The following XPOT variants were observed in gnomAD, a reference collection of about 807,000 sequenced individuals.
XPOT encodes the protein exportin-T.
In XPOT, 34 loss-of-function variants were observed where a neutral mutation model predicts 128.2. The ratio of observed to expected loss-of-function variants is 0.27; its 90% CI spans 0.20 to 0.35. XPOT has a LOEUF of 0.35. Among genes scored for constraint, XPOT ranks in the 10% least tolerant of loss-of-function variants. XPOT has a pLI of 1.00. For synonymous variants in XPOT, 348 were observed against 394.3 expected, an observed-to-expected ratio of 0.88 and a Z score of 1.39; for missense variants, 838 against 1,125.3, an observed-to-expected ratio of 0.74 and a Z score of 3.65.
At chr12:64,423,088 T>C in intron 10 of XPOT, 45 bp downstream of exon 10, 1 of 1,606,572 alleles carries the variant, frequency 6.2e-7, no homozygotes, top group African/African-American at 1.3e-5. Flanking sequence ...AGATTTTTAG[T>C]CTGTAATTTG....
chr12:64,420,396 C>T lies in XPOT; in HGVS notation c.718C>T (p.Arg240Trp), dbSNP rs1263885245. ...LLGHMSIEVL[R>W]EEACDCLFEV... ...AGGTCATATGTCAATAGAAGTTCTA[C>T]GGGAAGAAGCATGTGACTGTTTATT... is the stretch of plus-strand genomic sequence containing the variant. The change falls in exon 8 of 25, where the codon CGG becomes TGG. Residue 240 changes from arginine to tryptophan, a missense_variant. Arg to Trp is a moderately radical substitution (Grantham distance 101, BLOSUM62 -3). Transcript: ENST00000332707. The T allele has an allele frequency of 1.2e-6, 2 of 1,613,506 alleles. No individual in the cohort carries two copies. The highest frequency in any genetic ancestry group is 1.7e-6 in the Non-Finnish European group (2 of 1,179,824).
intron 11 of XPOT, 39 bp from the exon 12 acceptor site, chr12:64,424,560 C>T (rs745928034): frequency 2.5e-6 from 4 of 1,608,176 alleles, no homozygotes; most frequent in African/African-American, 2.7e-5. Context: ...CCGATCAACC[C>T]ATAAGTTTTT....
chr12:64,414,432 G>A (rs2040068364), intron 2 of XPOT, among the ~76,000 whole-genome samples: 2 of 152,158 alleles, frequency 1.3e-5, no homozygotes, highest in South Asian at 2.1e-4. Context: ...CTGTGTAACA[G>A]TAGATCAGAT....
At chr12:64,447,358 C>G (rs1384946899) in intron 24 of XPOT, among the ~76,000 whole-genome samples, 1 of 152,246 alleles carries the variant, frequency 6.6e-6, no homozygotes, top group Non-Finnish European at 1.5e-5. Flanking sequence ...CAGCCTCTAG[C>G]CAACTCCTTT....
At position 64,439,274 on chromosome 12, in the gene XPOT, G is replaced by A. The variant is rs1185645179; in HGVS notation, c.2764G>A (p.Glu922Lys). The A allele has an allele frequency of 6.2e-7, 1 of 1,614,052 alleles. No individual in the cohort carries two copies. The highest frequency in any genetic ancestry group is 1.1e-5 in the South Asian group (1 of 91,082). Residue 922 changes from glutamate (E) to lysine (K), a missense_variant, in exon 23 of 25, where the codon GAA becomes AAA. Glu to Lys is a moderately conservative substitution (Grantham distance 56). Around this residue, in one of 3 missense-constraint regions of XPOT, gnomAD observed 56 missense variants for 79.2 expected, o/e 0.71. Coordinates refer to ENST00000332707, the MANE Select transcript of XPOT (RefSeq NM_007235.6). ...GPECVQYLQQ[E>K]YLPSLQVAPE... ...AGAATGTGTTCAGTATCTTCAACAA[G>A]AATACCTGCCCTCCTTGCAAGTAGC... is the stretch of plus-strand genomic sequence containing the variant.
intron 24 of XPOT, 75 bp from the exon 25 acceptor site, chr12:64,448,030 T>A (rs2040379508): frequency 7.5e-7 from 1 of 1,331,406 alleles, no homozygotes; most frequent in Non-Finnish European, 1.1e-6. Flanking sequence ...AGCACTCAGA[T>A]ACTTGGAGCC....
rs771553024 is a variant in XPOT at position 64,430,115 on chromosome 12, C to T, written c.1804C>T (p.Leu602=). The T allele has an allele frequency of 1.2e-6, 2 of 1,613,558 alleles. No homozygotes were observed. The highest frequency in any genetic ancestry group is 2.2e-5 in the South Asian group (2 of 91,014). The change falls in exon 17 of 25, where the codon CTG becomes TTG. Residue 602 remains leucine (L), a synonymous_variant. Coordinates refer to ENST00000332707, the MANE Select transcript of XPOT (RefSeq NM_007235.6). ...QLFIYETAGV[L]IVNSEYPAER... ...TTTTATTTATGAGACAGCTGGAGTG[C>T]TGATTGTTAATAGTGAATATCCGGC...
intron 2 of XPOT, among the ~76,000 whole-genome samples, chr12:64,412,919 G>C (rs1318139121): frequency 2.0e-5 from 3 of 152,182 alleles, no homozygotes; most frequent in Non-Finnish European, 4.4e-5. Flanking sequence ...GCAAAGTATA[G>C]GGGAAGGGGC....
At chr12:64,429,694 G>A (rs1309121350) in intron 16 of XPOT, among the ~76,000 whole-genome samples, 1 of 152,140 alleles carries the variant, frequency 6.6e-6, no homozygotes, top group Non-Finnish European at 1.5e-5. Flanking sequence ...GCCGGCCTCG[G>A]CCTCCCAAAG....
rs1406115766 is a variant in XPOT at position 64,420,390 on chromosome 12, G to A, written c.712G>A (p.Val238Ile). 5.0e-6 allele frequency: 8 copies of A among 1,613,678 alleles called. No homozygotes were observed. The highest frequency in any genetic ancestry group is 5.1e-6 in the Non-Finnish European group (6 of 1,179,892). ...GCTGCTAGGTCATATGTCAATAGAA[G>A]TTCTACGGGAAGAAGCATGTGACTG... ...NMLLGHMSIE[V>I]LREEACDCLF... is the part of the protein sequence containing the mutation. Residue 238 changes from valine (V) to isoleucine (I), a missense_variant, in exon 8 of 25, where the codon GTT (valine) becomes ATT (isoleucine). By Grantham distance (29) the Val-to-Ile change is conservative (BLOSUM62 3). Around this residue, in one of 3 missense-constraint regions of XPOT, gnomAD observed 761 missense variants for 988.3 expected, o/e 0.77. Coordinates refer to ENST00000332707, the MANE Select transcript of XPOT (RefSeq NM_007235.6).
intron 1 of XPOT, 75 bp from the exon 2 acceptor site, chr12:64,409,887 C>G: frequency 1.6e-6 from 1 of 609,172 alleles, no homozygotes; most frequent in Non-Finnish European, 2.9e-6. Flanking sequence ...TGATTTTATC[C>G]ATTTACGTTA....
At position 64,425,093 on chromosome 12, in the gene XPOT, A is replaced by G. The variant is rs776232689; in HGVS notation, c.1363A>G (p.Met455Val). 7 of 1,613,660 alleles carry G rather than the reference A, an allele frequency of 4.3e-6. No homozygotes were observed. In the South Asian group the frequency reaches 7.7e-5, roughly 18 times the overall value. Residue 455 changes from methionine to valine, a missense_variant, in exon 13 of 25, where the codon ATG becomes GTG. Transcript: ENST00000332707. ...TGAAGTAGCAATAAGATTGCTGTAT[A>G]TGTTGGCAGAAGCTCTTCCAGTATC... Reference protein sequence around the residue: ...EVEVAIRLLYMLAEALPVSHG... With the variant: ...EVEVAIRLLYVLAEALPVSHG...
intron 23 of XPOT, among the ~76,000 whole-genome samples, chr12:64,441,775 G>A (rs184571057): frequency 1.3e-5 from 2 of 151,650 alleles, no homozygotes; most frequent in African/African-American, 4.8e-5. Flanking sequence ...TGCAACCTCC[G>A]CCTCCCAGGT....
intron 9 of XPOT, among the ~76,000 whole-genome samples, chr12:64,422,433 G>C (rs759277573): frequency 6.6e-6 from 1 of 152,114 alleles, no homozygotes; most frequent in Non-Finnish European, 1.5e-5. Flanking sequence ...TTGTAGGCTT[G>C]TTTTGCTTTG....
chr12:64,405,742 C>T (rs1273323762), intron 1 of XPOT, among the ~76,000 whole-genome samples: 1 of 152,090 alleles, frequency 6.6e-6, no homozygotes, highest in African/African-American at 2.4e-5. Context: ...CCTCAGCCTC[C>T]CGAGTAGCTC....
chr12:64,420,051 T>C lies in XPOT; in HGVS notation c.490-19T>C. ...TTTTGTAAGGTAATCTACTTTGCATTTGGCGTTTTGTATTTTAGGAGGCTC... is the reference window on the plus strand; with the variant it reads ...TTTTGTAAGGTAATCTACTTTGCATCTGGCGTTTTGTATTTTAGGAGGCTC... On this transcript the variant is annotated intron_variant, in intron 6 of 24. Coordinates refer to ENST00000332707, the MANE Select transcript of XPOT (RefSeq NM_007235.6). The C allele has an allele frequency of 6.5e-7, 1 of 1,540,360 alleles. No homozygotes were observed. Among genetic ancestry groups the C allele is most frequent in the African/African-American group, 1.4e-5 (1 of 72,328 alleles).
chr12:64,417,739 C>G (rs2040101138), intron 4 of XPOT, among the ~76,000 whole-genome samples: 1 of 152,156 alleles, frequency 6.6e-6, no homozygotes, highest in Admixed American at 6.5e-5. Flanking sequence ...GAGAGGATTC[C>G]TAGTTCACCT....
At chr12:64,418,233 G>T in intron 5 of XPOT, 118 bp downstream of exon 5, 1 of 790,106 alleles carries the variant, frequency 1.3e-6, no homozygotes, top group Non-Finnish European at 2.0e-6. Flanking sequence ...TGATTTCATA[G>T]CTTTTTTAAA....
chr12:64,433,632 C>G, intron 19 of XPOT, 29 bp downstream of exon 19: 1 of 1,552,388 alleles, frequency 6.4e-7, no homozygotes, highest in East Asian at 2.3e-5. Flanking sequence ...TCTAATTTGT[C>G]TGCTTAAGTC....
Sources: allele counts gnomAD v4.1 joint callset (sites outside exome capture counted in the v4.1 genomes callset), GRCh38; gene constraint gnomAD v4.1.1; regional missense constraint gnomAD v4.1.1; transcripts MANE v1.5; gene names NCBI Gene and HGNC (gene_info 2026-07-23, HGNC 2026-07-21).